Variants in PRKCB observed in about 807,000 individuals in gnomAD.
The protein encoded by PRKCB is protein kinase C beta type.
In PRKCB, 13 loss-of-function variants were observed where a neutral mutation model predicts 81.5. That is an observed-to-expected ratio of 0.16 (90% confidence interval 0.10 to 0.25). The LOEUF (loss-of-function observed/expected upper bound fraction) is 0.25. Among genes scored for constraint, PRKCB ranks in the 10% least tolerant of loss-of-function variants. PRKCB has a pLI of 1.00. For missense variants in PRKCB, 509 were observed against 875.7 expected (o/e 0.58, Z 5.29); for synonymous variants, 335 against 321.4 (o/e 1.04, Z -0.45).
At chr16:23,911,935 G>A (rs1278465152) in intron 2 of PRKCB, among the ~76,000 whole-genome samples, 1 of 148,144 alleles carries the variant, frequency 6.8e-6, no homozygotes, top group African/African-American at 2.5e-5. Flanking sequence ...GGGTTCAGGT[G>A]ATTCTCCTGC....
At chr16:24,009,669 A>G (rs143706888) in intron 3 of PRKCB, among the ~76,000 whole-genome samples, 2 of 152,028 alleles carry the variant, frequency 1.3e-5, no homozygotes, top group African/African-American at 4.8e-5. Flanking sequence ...GCAGGAATAC[A>G]AAATGTTGCA....
intron 9 of PRKCB, among the ~76,000 whole-genome samples, chr16:24,133,989 A>G (rs564026531): frequency 3.7e-4 from 55 of 150,328 alleles, no homozygotes; most frequent in Middle Eastern, 3.4e-3. Context: ...TCAACCTCCC[A>G]GGCTCAAGCA....
At chr16:24,158,059 A>G (rs933074598) in intron 10 of PRKCB, among the ~76,000 whole-genome samples, 1 of 152,144 alleles carries the variant, frequency 6.6e-6, no homozygotes, top group Admixed American at 6.5e-5. Context: ...GGTCTGATGA[A>G]GTCTTTAACC....
chr16:24,130,733 CT>C (rs1394424174), intron 9 of PRKCB, among the ~76,000 whole-genome samples: 1 of 152,196 alleles, frequency 6.6e-6, no homozygotes, highest in Admixed American at 6.5e-5. Context: ...TTGTTTTTCT[CT>C]GCAGTCAGAG....
intron 2 of PRKCB, among the ~76,000 whole-genome samples, chr16:23,915,726 T>G (rs1963728014): frequency 7.5e-6 from 1 of 133,040 alleles, no homozygotes; most frequent in Admixed American, 7.6e-5. Context: ...GAAAGATGGA[T>G]TCTTTATTTT....
chr16:24,159,193 C>T (rs918703881), intron 10 of PRKCB, among the ~76,000 whole-genome samples: 3 of 152,226 alleles, frequency 2.0e-5, no homozygotes, highest in South Asian at 2.1e-4. Context: ...TCTTCAACAA[C>T]GTTGCTTCAT....
chr16:24,110,785 G>A (rs1456338042), intron 7 of PRKCB, among the ~76,000 whole-genome samples: 2 of 152,062 alleles, frequency 1.3e-5, no homozygotes, highest in African/African-American at 2.4e-5. Flanking sequence ...CTCTCTAAGT[G>A]CTAGGATGAC....
At chr16:23,980,679 A>G (rs1304994322) in intron 2 of PRKCB, among the ~76,000 whole-genome samples, 2 of 152,144 alleles carry the variant, frequency 1.3e-5, no homozygotes, top group African/African-American at 4.8e-5. Context: ...AACTAGCGCT[A>G]GAATTTCTAT....
chr16:23,878,121 A>G (rs906722310), intron 2 of PRKCB, among the ~76,000 whole-genome samples: 1 of 152,168 alleles, frequency 6.6e-6, no homozygotes, highest in Non-Finnish European at 1.5e-5. Context: ...GGCGTGAGCC[A>G]CCGCACCCGG....
intron 10 of PRKCB, among the ~76,000 whole-genome samples, chr16:24,159,856 G>A (rs1490591810): frequency 1.3e-5 from 2 of 151,934 alleles, no homozygotes; most frequent in Non-Finnish European, 2.9e-5. Flanking sequence ...AGTGATGCAC[G>A]CACCCGTAGT....
chr16:24,202,987 T>A (rs927799459), intron 16 of PRKCB: 1 of 152,146 alleles, frequency 6.6e-6, no homozygotes, highest in African/African-American at 2.4e-5. Flanking sequence ...GAGGTTAACA[T>A]GGGCAGATCA....
chr16:24,041,496 G>A (rs1965696907), intron 5 of PRKCB, among the ~76,000 whole-genome samples: 1 of 151,786 alleles, frequency 6.6e-6, no homozygotes, highest in South Asian at 2.1e-4. Context: ...CCCAAAAGTT[G>A]GGAGTGTTCT....
At chr16:24,167,121 A>C (rs2141962241) in intron 10 of PRKCB, among the ~76,000 whole-genome samples, 1 of 149,462 alleles carries the variant, frequency 6.7e-6, no homozygotes, top group African/African-American at 2.5e-5. Flanking sequence ...GACAGATGCT[A>C]TTTTTAGGCT....
chr16:24,209,500 C>T (rs1968104590), intron 16 of PRKCB, among the ~76,000 whole-genome samples: 1 of 152,122 alleles, frequency 6.6e-6, no homozygotes, highest in Non-Finnish European at 1.5e-5. Flanking sequence ...TTTCCCCCCT[C>T]AAATAGGATC....
At chr16:23,931,314 C>T (rs1963971591) in intron 2 of PRKCB, among the ~76,000 whole-genome samples, 1 of 152,284 alleles carries the variant, frequency 6.6e-6, no homozygotes, top group South Asian at 2.1e-4. Context: ...TTTCCAAATT[C>T]AGTTCTATTC....
intron 2 of PRKCB, among the ~76,000 whole-genome samples, chr16:23,840,072 C>G (rs1228279932): frequency 6.6e-6 from 1 of 151,992 alleles, no homozygotes; most frequent in Non-Finnish European, 1.5e-5. Flanking sequence ...GATTGGCAGT[C>G]CCTGAAATTG....
intron 2 of PRKCB, among the ~76,000 whole-genome samples, chr16:23,852,015 T>A (rs142450162): frequency 6.6e-6 from 1 of 152,220 alleles, no homozygotes; most frequent in African/African-American, 2.4e-5. Context: ...ACAGCTTTTT[T>A]AGTGGATTCT....
intron 2 of PRKCB, among the ~76,000 whole-genome samples, chr16:23,912,364 TG>T (rs1963672394): frequency 6.6e-6 from 1 of 152,096 alleles, no homozygotes; most frequent in Non-Finnish European, 1.5e-5. Flanking sequence ...GAACAGCTGC[TG>T]ATGAACAGAA....
rs1454389194 is a variant in PRKCB at position 23,837,307 on chromosome 16, C to G, written c.174-68C>G. 5 of 1,593,200 alleles carry G rather than the reference C, an allele frequency of 3.1e-6. No homozygotes were observed. In the East Asian group the frequency reaches 1.1e-4, roughly 36 times the overall value. On this transcript the variant is annotated intron_variant, in intron 1 of 16. Coordinates refer to ENST00000643927, the MANE Select transcript of PRKCB (RefSeq NM_002738.7). The stretch of plus-strand genomic sequence containing the variant: ...GAGGCAGGGAGGAAGGCGGGTGACT[C>G]TGTGGGTAACTAGCTGGAGGCTGGG...
Sources: gnomAD v4.1 joint callset for allele counts (sites outside exome capture counted in the v4.1 genomes callset) on GRCh38, gnomAD v4.1.1 for gene constraint, MANE v1.5 for transcripts, NCBI Gene and HGNC (gene_info 2026-07-23, HGNC 2026-07-21) for gene names.